CA8: variants seen among roughly 807,000 people sequenced by gnomAD.
CA8 encodes carbonic anhydrase 8 (inactive).
A neutral mutation model predicts 41.4 loss-of-function variants in CA8; 22 were observed. The ratio of observed to expected loss-of-function variants is 0.53; its 90% CI spans 0.38 to 0.76. The LOEUF (loss-of-function observed/expected upper bound fraction) is 0.76, where lower values mean the gene tolerates loss of function less well. CA8 is among the 30% of genes least tolerant of loss of function. The pLI, the probability that CA8 is intolerant of heterozygous loss-of-function variation, is 0.00. For synonymous variants in CA8, 121 were observed against 130.6 expected, an observed-to-expected ratio of 0.93 and a Z score of 0.50; for missense variants, 270 against 352.8, an observed-to-expected ratio of 0.77 and a Z score of 1.88.
At chr8:60,269,256 A>T (rs528395290) in intron 2 of CA8, among the ~76,000 whole-genome samples, 126 of 152,296 alleles carry the variant, frequency 8.3e-4, no homozygotes, top group African/African-American at 3.0e-3. Context: ...TAAAAAAACA[A>T]ATCATCTCAG....
chr8:60,189,302 C>A lies in CA8; in HGVS notation c.*719G>T, dbSNP rs1045587248. 6.6e-6 allele frequency: 1 copy of A among 152,098 alleles called. No homozygotes were observed. The highest frequency in any genetic ancestry group is 2.4e-5 in the African/African-American group (1 of 41,430). 9.4% of individuals were successfully genotyped at this position (152,098 alleles called of 1,614,324 possible). Reference sequence around the variant, plus strand: ...CCTTCTTTTTATCCTATTTCTTACACCTTTCTCAAATTCCTATTAAACCAC... The same window carrying A: ...CCTTCTTTTTATCCTATTTCTTACAACTTTCTCAAATTCCTATTAAACCAC... On this transcript the variant is annotated 3_prime_UTR_variant, in exon 9 of 9. Coordinates refer to ENST00000317995, the MANE Select transcript of CA8 (RefSeq NM_004056.6).
At position 60,279,728 on chromosome 8, in the gene CA8, C is replaced by T. The variant is rs747077440; in HGVS notation, c.253G>A (p.Asp85Asn). 7.4e-6 allele frequency: 12 copies of T among 1,614,014 alleles called. No homozygotes were observed. In the African/African-American group the frequency reaches 1.1e-4, roughly 14 times the overall value. Residue 85 changes from aspartate to asparagine, a missense_variant, in exon 2 of 9, where the codon GAT becomes AAT. Transcript: ENST00000317995. ...AGGATAACCTGAATGGTATGTCCATCATTGGTGACTTCACAGTCTCGGCAC... is the reference window on the plus strand; with the variant it reads ...AGGATAACCTGAATGGTATGTCCATTATTGGTGACTTCACAGTCTCGGCAC... ...VVCRDCEVTN[D>N]GHTIQVILKS...
intron 2 of CA8, among the ~76,000 whole-genome samples, chr8:60,272,782 C>T (rs554825298): frequency 1.3e-5 from 2 of 152,352 alleles, no homozygotes; most frequent in African/African-American, 2.4e-5. Context: ...CTGATTTATA[C>T]TTACCTTATC....
intron 3 of CA8, among the ~76,000 whole-genome samples, chr8:60,236,898 A>G (rs1807848310): frequency 6.6e-6 from 1 of 152,204 alleles, no homozygotes; most frequent in Non-Finnish European, 1.5e-5. Context: ...GATACTACAG[A>G]TATGGCTTAG....
At position 60,222,750 on chromosome 8, in the gene CA8, G is replaced by T; in HGVS notation, c.637C>A (p.Arg213=). ...GAGCCTTCATACACCCAGTAATCCC[G>T]CAGCAGAGGGTCTGCACAGCCACGT... is the stretch of plus-strand genomic sequence containing the variant. ...PNTLLPDPLL[R]DYWVYEGSLT... Residue 213 remains arginine, a synonymous_variant, in exon 7 of 9, where the codon CGG becomes AGG. Transcript: ENST00000317995. 1 of 1,610,658 alleles carries T rather than the reference G, an allele frequency of 6.2e-7. No homozygotes were observed. The highest frequency in any genetic ancestry group is 8.5e-7 in the Non-Finnish European group (1 of 1,176,818).
intron 8 of CA8, among the ~76,000 whole-genome samples, chr8:60,190,938 CTATAT>C (rs1806103744): frequency 8.5e-6 from 1 of 117,334 alleles, no homozygotes; most frequent in African/African-American, 3.4e-5. Context: ...CACACACACA[CTATAT>C]ATATATATAT....
At chr8:60,280,210 T>G (rs1804366248) in intron 1 of CA8, among the ~76,000 whole-genome samples, 1 of 152,204 alleles carries the variant, frequency 6.6e-6, no homozygotes, top group African/African-American at 2.4e-5. Context: ...CTTCTGCTTA[T>G]TAGTTCAATT....
chr8:60,251,628 G>A (rs1172718566), intron 3 of CA8, among the ~76,000 whole-genome samples: 2 of 152,108 alleles, frequency 1.3e-5, no homozygotes, highest in African/African-American at 2.4e-5. Flanking sequence ...AAATAACATC[G>A]TATTTGGTCA....
At chr8:60,204,987 T>C (rs7824390) in intron 8 of CA8, among the ~76,000 whole-genome samples, 3 of 152,176 alleles carry the variant, frequency 2.0e-5, no homozygotes, top group Non-Finnish European at 4.4e-5. Flanking sequence ...TTGATACTTG[T>C]TATAGCTTTA....
chr8:60,269,180 A>G (rs994881718), intron 2 of CA8, among the ~76,000 whole-genome samples: 1 of 152,152 alleles, frequency 6.6e-6, no homozygotes, highest in African/African-American at 2.4e-5. Context: ...AGCAGCTTCT[A>G]TTTTATCCAT....
intron 3 of CA8, among the ~76,000 whole-genome samples, chr8:60,261,394 A>AT (rs1157428981): frequency 6.6e-6 from 1 of 152,158 alleles, no homozygotes; most frequent in Admixed American, 6.5e-5. Context: ...CCAACATACA[A>AT]TATGGCTAGA....
intron 3 of CA8, among the ~76,000 whole-genome samples, chr8:60,247,254 C>T (rs1020448793): frequency 6.6e-6 from 1 of 152,054 alleles, no homozygotes; most frequent in Non-Finnish European, 1.5e-5. Flanking sequence ...GATACATATG[C>T]AGAATGTGCA....
intron 3 of CA8, among the ~76,000 whole-genome samples, chr8:60,245,858 T>C (rs1166875826): frequency 3.3e-5 from 5 of 152,218 alleles, no homozygotes; most frequent in South Asian, 2.1e-4. Context: ...TACAAGGCAA[T>C]GCACTTCAGT....
In CA8 at chr8:60,281,220, G is replaced by A; in HGVS notation, c.-73C>T. The stretch of plus-strand genomic sequence containing the variant: ...CTTCGCTGGGCGCGGGGCTGGAGCC[G>A]GAGCGGAGCGCGCGTGGGGGAGTGT... On this transcript the variant is annotated 5_prime_UTR_variant, in exon 1 of 9. Coordinates refer to ENST00000317995, the MANE Select transcript of CA8 (RefSeq NM_004056.6). The A allele has an allele frequency of 1.8e-6, 2 of 1,085,794 alleles. No homozygotes were observed. Among genetic ancestry groups the A allele is most frequent in the Admixed American group, 2.0e-5 (1 of 49,902 alleles). The allele number at this position is 1,085,794 out of a possible 1,614,324, so 67.3% of individuals were successfully genotyped here.
intron 3 of CA8, among the ~76,000 whole-genome samples, chr8:60,241,177 T>A (rs1808015943): frequency 6.6e-6 from 1 of 152,234 alleles, no homozygotes; most frequent in Non-Finnish European, 1.5e-5. Context: ...ATTATGCTGC[T>A]ATTATTCAGA....
chr8:60,266,261 A>G (rs975465038), intron 2 of CA8, among the ~76,000 whole-genome samples: 2 of 152,212 alleles, frequency 1.3e-5, no homozygotes, highest in African/African-American at 4.8e-5. Flanking sequence ...CAGACACGGA[A>G]GTTCAAAACC....
At chr8:60,226,737 G>T in intron 5 of CA8, 136 bp downstream of exon 5, 1 of 666,346 alleles carries the variant, frequency 1.5e-6, no homozygotes, top group Non-Finnish European at 2.7e-6. Flanking sequence ...TCTTTTCACT[G>T]TAATAAACCA....
intron 3 of CA8, among the ~76,000 whole-genome samples, chr8:60,252,189 C>A (rs1024910785): frequency 6.6e-6 from 1 of 152,108 alleles, no homozygotes; most frequent in African/African-American, 2.4e-5. Flanking sequence ...ACAGCATGAA[C>A]AATAAGAAGG....
chr8:60,249,065 A>G (rs377699626), intron 3 of CA8, among the ~76,000 whole-genome samples: 1 of 152,232 alleles, frequency 6.6e-6, no homozygotes, highest in African/African-American at 2.4e-5. Context: ...ATTGACTAGC[A>G]TACTTTAAAT....
Sources: allele counts gnomAD v4.1 joint callset (sites outside exome capture counted in the v4.1 genomes callset), GRCh38; gene constraint gnomAD v4.1.1; transcripts MANE v1.5; gene names NCBI Gene and HGNC (gene_info 2026-07-23, HGNC 2026-07-21).